Variants in COL4A6 observed in about 807,000 individuals in gnomAD.
The protein encoded by COL4A6 is collagen type IV alpha 6 chain, also known as collagen alpha-6(IV) chain.
A neutral mutation model predicts 126.7 loss-of-function variants in COL4A6; 59 were observed. The ratio of observed to expected loss-of-function variants is 0.47; its 90% CI spans 0.38 to 0.58. COL4A6 has a LOEUF of 0.58. Among genes scored for constraint, COL4A6 ranks in the 20% least tolerant of loss-of-function variants. The pLI is 0.00. For missense variants in COL4A6, 1,285 were observed against 1,337.3 expected, an observed-to-expected ratio of 0.96 and a Z score of 0.61; for synonymous variants, 547 against 496.6, an observed-to-expected ratio of 1.10 and a Z score of -1.35.
intron 2 of COL4A6, among the ~76,000 whole-genome samples, chrX:108,380,652 T>G (rs2040541791): frequency 8.9e-6 from 1 of 112,338 alleles, no homozygotes; most frequent in African/African-American, 3.2e-5. Flanking sequence ...AAATCATACT[T>G]GTAAGTTCTC....
chrX:108,187,786 C>T (rs950363259), intron 22 of COL4A6, 62 bp downstream of exon 22: 1 of 1,062,756 alleles, frequency 9.4e-7, no homozygotes, highest in Middle Eastern at 3.1e-4. Flanking sequence ...GGCCATCAGA[C>T]CCCCCAACAA....
At chrX:108,355,715 TAA>T (rs2039944997) in intron 2 of COL4A6, among the ~76,000 whole-genome samples, 1 of 111,807 alleles carries the variant, frequency 8.9e-6, no homozygotes, top group Non-Finnish European at 1.9e-5. Flanking sequence ...TGCCTGATGA[TAA>T]AGAGTCAGCC....
At chrX:108,283,578 GT>G (rs765019598) in intron 3 of COL4A6, among the ~76,000 whole-genome samples, 65 of 98,932 alleles carry the variant, frequency 6.6e-4, no homozygotes, top group Middle Eastern at 1.0e-2. Context: ...ATCCCCCTAA[GT>G]TTTTTTTTTG....
intron 41 of COL4A6, 142 bp downstream of exon 41, chrX:108,162,750 A>G (rs2034001458): frequency 4.4e-6 from 3 of 686,589 alleles, no homozygotes; most frequent in Non-Finnish European, 6.3e-6. Flanking sequence ...TCTTCTCCCC[A>G]ACAGGAAGCT....
chrX:108,310,752 G>T lies in COL4A6; in HGVS notation c.140C>A (p.Ala47Glu), dbSNP rs774796939. 2 of 1,206,111 alleles carry T rather than the reference G, an allele frequency of 1.7e-6. No homozygotes were observed. Among genetic ancestry groups the T allele is most frequent in the East Asian group, 3.0e-5 (1 of 33,792 alleles). Residue 47 changes from alanine to glutamate, a missense_variant, in exon 3 of 45, where the codon GCG (alanine) becomes GAG (glutamate). Coordinates refer to ENST00000334504, the MANE Select transcript of COL4A6 (RefSeq NM_033641.4). ...ACAATGAAATAAGCAACTTACTCTC[G>T]CTCCTTTCTCAGGAAAACACTGACA... ...GSCQCFPEKG[A>E]RGRPGPIGIQ...
intron 2 of COL4A6, among the ~76,000 whole-genome samples, chrX:108,381,743 G>A: frequency 9.0e-6 from 1 of 111,547 alleles, no homozygotes; most frequent in Non-Finnish European, 1.9e-5. Flanking sequence ...AAAGTTATTG[G>A]TAATGAAAGT....
At chrX:108,180,864 T>C in intron 24 of COL4A6, 33 bp downstream of exon 24, 1 of 1,166,830 alleles carries the variant, frequency 8.6e-7, no homozygotes, top group Non-Finnish European at 1.2e-6. Flanking sequence ...CTTACAAGAG[T>C]GTTTAGTGGC....
intron 2 of COL4A6, among the ~76,000 whole-genome samples, chrX:108,312,457 T>C (rs1569420798): frequency 8.9e-6 from 1 of 112,216 alleles, no homozygotes; most frequent in Non-Finnish European, 1.9e-5. Context: ...TTCCATTTTA[T>C]GGAATATAGG....
intron 3 of COL4A6, among the ~76,000 whole-genome samples, chrX:108,236,898 C>G (rs757037705): frequency 1.8e-5 from 2 of 111,970 alleles, no homozygotes; most frequent in South Asian, 7.6e-4. Flanking sequence ...TTTCACTGCA[C>G]TATACTATGG....
At chrX:108,229,202 G>A (rs191297210) in intron 3 of COL4A6, among the ~76,000 whole-genome samples, 11 of 111,957 alleles carry the variant, frequency 9.8e-5, no homozygotes, top group Non-Finnish European at 1.7e-4. Flanking sequence ...TTCCAGTTTG[G>A]TTCAGAATTT....
intron 2 of COL4A6, among the ~76,000 whole-genome samples, chrX:108,319,436 T>G (rs1252514981): frequency 8.9e-6 from 1 of 111,858 alleles, no homozygotes; most frequent in Non-Finnish European, 1.9e-5. Flanking sequence ...CACCCTAGAA[T>G]TAAGCACTGA....
chrX:108,344,255 A>G (rs2039659267), intron 2 of COL4A6, among the ~76,000 whole-genome samples: 1 of 111,414 alleles, frequency 9.0e-6, no homozygotes, highest in Admixed American at 9.6e-5. Flanking sequence ...TACTTCAAGG[A>G]AGCAAACCGA....
At chrX:108,202,830 A>G (rs968698898) in intron 13 of COL4A6, 98 bp downstream of exon 13, 7 of 675,316 alleles carry the variant, frequency 1.0e-5, no homozygotes, top group Non-Finnish European at 1.7e-5. Flanking sequence ...CATTCTCTAC[A>G]ATATCCATGG....
chrX:108,303,652 A>C (rs1392655153), intron 3 of COL4A6, among the ~76,000 whole-genome samples: 1 of 111,688 alleles, frequency 9.0e-6, no homozygotes, highest in Admixed American at 9.4e-5. Flanking sequence ...CGGTAAGCAG[A>C]ATGACTCCTA....
At chrX:108,316,176 G>C (rs2038876793) in intron 2 of COL4A6, among the ~76,000 whole-genome samples, 1 of 111,990 alleles carries the variant, frequency 8.9e-6, no homozygotes, top group Non-Finnish European at 1.9e-5. Flanking sequence ...ATCTTTGTGA[G>C]CAATTTTCTC....
chrX:108,349,878 A>C, intron 2 of COL4A6, among the ~76,000 whole-genome samples: 1 of 111,854 alleles, frequency 8.9e-6, no homozygotes, highest in Non-Finnish European at 1.9e-5. Flanking sequence ...CATTTTATAC[A>C]CTATTTATCT....
intron 14 of COL4A6, 131 bp downstream of exon 14, chrX:108,196,380 C>G: frequency 1.8e-6 from 1 of 550,904 alleles, no homozygotes; most frequent in Non-Finnish European, 3.0e-6. Flanking sequence ...GTCTTAGGAA[C>G]CTGCCATTGG....
Position 108,264,510 on chromosome X carries a change from G to A in COL4A6, c.145-43136C>T, listed in dbSNP as rs530779073. Among the ~76,000 whole-genome samples the A allele has an allele frequency of 1.9e-4, 21 of 111,807 alleles. No individual in the cohort carries two copies. In the East Asian group the frequency reaches 5.6e-3, roughly 30 times the overall value. On this transcript the variant is annotated intron_variant, in intron 3 of 44. Coordinates refer to ENST00000334504, the MANE Select transcript of COL4A6 (RefSeq NM_033641.4). ...CCTAGGCCATGGTATGCAGGAGAGCGCTTGAGCTTCAGAATTAAACTTGTC... is the reference window on the plus strand; with the variant it reads ...CCTAGGCCATGGTATGCAGGAGAGCACTTGAGCTTCAGAATTAAACTTGTC...
rs2038472461 is a variant in COL4A6, at chrX:108,300,888, T to C, written c.144+9860A>G. 4.5e-5 allele frequency among the ~76,000 whole-genome samples: 5 copies of C among 111,775 alleles called. No homozygotes were observed. The South Asian group carries it at 1.9e-3, about 42-fold the overall frequency. ...TTGAACCTCACAAAACACAATGAGA[T>C]AAAAGAAAACACAGAACATAGTCTA... On this transcript the variant is annotated intron_variant, in intron 3 of 44. Coordinates refer to ENST00000334504, the MANE Select transcript of COL4A6 (RefSeq NM_033641.4).
Sources: gnomAD v4.1 joint callset for allele counts (sites outside exome capture counted in the v4.1 genomes callset) on GRCh38, gnomAD v4.1.1 for gene constraint, MANE v1.5 for transcripts, NCBI Gene and HGNC (gene_info 2026-07-23, HGNC 2026-07-21) for gene names.